Variants in CASR observed in about 807,000 individuals in gnomAD.
CASR encodes the protein extracellular calcium-sensing receptor.
CASR carries 23 observed loss-of-function variants against 69.1 expected under a neutral mutation model. The observed-to-expected ratio is 0.33, with a 90% confidence interval of 0.24 to 0.47. The LOEUF (loss-of-function observed/expected upper bound fraction) is 0.47, where lower values mean the gene tolerates loss of function less well. Among genes scored for constraint, CASR ranks in the 20% least tolerant of loss-of-function variants. CASR has a pLI of 1.00. For missense variants in CASR, 924 were observed against 1,356.1 expected (o/e 0.68, Z 5.00); for synonymous variants, 541 against 544.7 (o/e 0.99, Z 0.10).
Position 122,284,138 on chromosome 3 carries a change from T to G in CASR, c.2184T>G (p.Val728=). Residue 728 remains valine (V), a synonymous_variant, in exon 7 of 7, where the codon GTT becomes GTG. Coordinates refer to ENST00000639785, the MANE Select transcript of CASR (RefSeq NM_000388.4). The part of the protein sequence containing the change: ...WWGLNLQFLL[V]FLCTFMQIVI... ...GGCTCAACCTGCAGTTCCTGCTGGT[T>G]TTCCTCTGCACCTTCATGCAGATTG... 1 of 1,613,798 alleles carries G rather than the reference T, an allele frequency of 6.2e-7. No individual in the cohort carries two copies.
intron 1 of CASR, among the ~76,000 whole-genome samples, chr3:122,186,865 T>C (rs1013865541): frequency 1.3e-5 from 2 of 152,232 alleles, no homozygotes; most frequent in African/African-American, 4.8e-5. Context: ...CTAACTGCCA[T>C]GTGACATTTG....
At chr3:122,221,515 C>T (rs941948477) in intron 1 of CASR, among the ~76,000 whole-genome samples, 2 of 152,128 alleles carry the variant, frequency 1.3e-5, no homozygotes, top group African/African-American at 2.4e-5. Flanking sequence ...AAAAATGAAA[C>T]TGATGGAATG....
At chr3:122,187,353 A>G (rs2073796039) in intron 1 of CASR, among the ~76,000 whole-genome samples, 1 of 152,230 alleles carries the variant, frequency 6.6e-6, no homozygotes, top group South Asian at 2.1e-4. Flanking sequence ...CACCAATTGC[A>G]CTGAAGCAAC....
At chr3:122,184,278 G>T in intron 1 of CASR, 1 of 153,468 alleles carries the variant, frequency 6.5e-6, no homozygotes, top group South Asian at 1.9e-4. Flanking sequence ...GAGCAGGAGA[G>T]GGGCGGAGCT....
intron 1 of CASR, among the ~76,000 whole-genome samples, chr3:122,235,178 C>A (rs1190152223): frequency 6.6e-6 from 1 of 152,186 alleles, no homozygotes; most frequent in Non-Finnish European, 1.5e-5. Flanking sequence ...AGAATATATA[C>A]TCATTCCACA....
At position 122,244,411 on chromosome 3, in the gene CASR, G is replaced by A. The variant is rs372590642; in HGVS notation, c.-242-9537G>A. Among the ~76,000 whole-genome samples the A allele has an allele frequency of 7.4e-4, 112 of 151,454 alleles. 1 individual carries two copies. In the South Asian group the frequency reaches 0.02, roughly 28 times the overall value. ...ATTAGCAGGAGAATGGATAGGTAAC[G>A]TGTGGTAGAATCATAGGAAAATACT... On this transcript the variant is annotated intron_variant, in intron 1 of 6. Transcript: ENST00000639785.
intron 4 of CASR, among the ~76,000 whole-genome samples, chr3:122,275,396 A>G (rs778927637): frequency 2.6e-5 from 4 of 152,150 alleles, no homozygotes; most frequent in Non-Finnish European, 5.9e-5. Flanking sequence ...GAATAAGAGC[A>G]CTCAGTCATT....
chr3:122,261,802 T>C lies in CASR; in HGVS notation c.767T>C (p.Val256Ala), dbSNP rs2074626876. The change falls in exon 4 of 7, where the codon GTA becomes GCA. Residue 256 changes from valine to alanine, a missense_variant. Physicochemically the swap from Val to Ala is moderately conservative, Grantham distance 64. Around this residue, in one of 8 missense-constraint regions of CASR, gnomAD observed 310 missense variants for 395.7 expected, o/e 0.78. Transcript: ENST00000639785. The part of the protein sequence containing the change: ...YSDEEEIQHV[V>A]EVIQNSTAKV... The stretch of plus-strand genomic sequence containing the variant: ...GATGAGGAAGAGATCCAGCATGTGG[T>C]AGAGGTGATTCAAAATTCCACGGCC... 1.9e-6 allele frequency: 3 copies of C among 1,614,214 alleles called. No homozygotes were observed. Among genetic ancestry groups the C allele is most frequent in the Non-Finnish European group, 2.5e-6 (3 of 1,180,036 alleles).
intron 1 of CASR, among the ~76,000 whole-genome samples, chr3:122,211,858 A>C (rs1217670580): frequency 1.3e-5 from 2 of 152,240 alleles, no homozygotes; most frequent in Non-Finnish European, 2.9e-5. Flanking sequence ...ACCCACAATG[A>C]GATATTATCT....
At chr3:122,240,290 C>A (rs908808166) in intron 1 of CASR, among the ~76,000 whole-genome samples, 46 of 152,254 alleles carry the variant, frequency 3.0e-4, no homozygotes, top group African/African-American at 1.1e-3. Flanking sequence ...ATAAGAAACA[C>A]ATTTCACCTA....
chr3:122,244,317 C>A (rs1165592218), intron 1 of CASR, among the ~76,000 whole-genome samples: 1 of 151,800 alleles, frequency 6.6e-6, no homozygotes, highest in Non-Finnish European at 1.5e-5. Context: ...CTGCTGTGTA[C>A]CCACAAAAAT....
At chr3:122,203,916 A>G (rs1328909624) in intron 1 of CASR, among the ~76,000 whole-genome samples, 2 of 152,112 alleles carry the variant, frequency 1.3e-5, no homozygotes, top group Non-Finnish European at 2.9e-5. Flanking sequence ...ATTTTTCTCC[A>G]TAAAGTTCTT....
In CASR at chr3:122,284,246, G is replaced by C. The variant is rs199615189; in HGVS notation, c.2292G>C (p.Thr764=). ...TGGAGGATGAGATCATCTTCATCAC[G>C]TGCCACGAGGGCTCCCTCATGGCCC... The part of the protein sequence containing the change: ...QELEDEIIFI[T]CHEGSLMALG... Residue 764 remains threonine, a synonymous_variant, in exon 7 of 7, where the codon ACG becomes ACC. Coordinates refer to ENST00000639785, the MANE Select transcript of CASR (RefSeq NM_000388.4). The C allele has an allele frequency of 3.1e-6, 5 of 1,614,062 alleles. No homozygotes were observed. The highest frequency in any genetic ancestry group is 3.3e-4 in the Middle Eastern group (2 of 6,062).
intron 1 of CASR, among the ~76,000 whole-genome samples, chr3:122,248,538 C>T (rs189010089): frequency 1.1e-3 from 169 of 151,468 alleles, no homozygotes; most frequent in Middle Eastern, 0.01. Context: ...AGTGTACTCA[C>T]GTTATGGAGA....
chr3:122,206,802 G>A (rs959464563), intron 1 of CASR, among the ~76,000 whole-genome samples: 8 of 151,848 alleles, frequency 5.3e-5, no homozygotes, highest in East Asian at 1.9e-4. Context: ...TTCAACCTTC[G>A]TAGATTGTAT....
At chr3:122,220,369 C>CAGTG (rs1363927408) in intron 1 of CASR, among the ~76,000 whole-genome samples, 1 of 152,148 alleles carries the variant, frequency 6.6e-6, no homozygotes. Flanking sequence ...AGCGAAGAGC[C>CAGTG]AGTGATATGT....
At chr3:122,201,844 C>G (rs1236530766) in intron 1 of CASR, among the ~76,000 whole-genome samples, 1 of 151,962 alleles carries the variant, frequency 6.6e-6, no homozygotes, top group Non-Finnish European at 1.5e-5. Flanking sequence ...AGACGCTCCT[C>G]ACTTCCTAGA....
rs2074579800 is a variant in CASR, at chr3:122,258,374, T to G, written c.492+987T>G. Among the ~76,000 whole-genome samples, 3 of 151,302 alleles carry G rather than the reference T, an allele frequency of 2.0e-5. No individual in the cohort carries two copies. The South Asian group carries it at 6.3e-4, about 32-fold the overall frequency. ...GGAGGGCTCCTTTTTTTTTTTTTTT[T>G]TTTTGGTGATTGCCATTATCTCTTT... On this transcript the variant is annotated intron_variant, in intron 3 of 6. Transcript: ENST00000639785.
intron 1 of CASR, among the ~76,000 whole-genome samples, chr3:122,208,522 A>G (rs1318325387): frequency 1.3e-5 from 2 of 152,124 alleles, no homozygotes; most frequent in East Asian, 3.8e-4. Context: ...CTTGCTCTTG[A>G]TTTTTAAAGG....
Sources: gnomAD v4.1 joint callset for allele counts (sites outside exome capture counted in the v4.1 genomes callset) on GRCh38, gnomAD v4.1.1 for gene constraint, gnomAD v4.1.1 regional missense constraint, MANE v1.5 for transcripts, NCBI Gene and HGNC (gene_info 2026-07-23, HGNC 2026-07-21) for gene names.